The following PFKL variants were observed in gnomAD, a reference collection of about 807,000 sequenced individuals.
PFKL encodes the protein ATP-dependent 6-phosphofructokinase, liver type.
In PFKL, 74 loss-of-function variants were observed where a neutral mutation model predicts 92.1. The ratio of observed to expected loss-of-function variants is 0.80; its 90% CI spans 0.67 to 0.97. The LOEUF is 0.97. Among genes scored for constraint, PFKL ranks in the 50% least tolerant of loss-of-function variants. The probability of loss-of-function intolerance (pLI) is 0.00; values close to 1 mark genes in which losing one functional copy is unlikely to be tolerated. For missense variants in PFKL, 1,028 were observed against 1,116.6 expected (o/e 0.92, Z 1.13); for synonymous variants, 494 against 456.4 (o/e 1.08, Z -1.05).
chr21:44,324,497 G>A lies in PFKL; in HGVS notation c.1657G>A (p.Asp553Asn). ...ACCCCCCCTTGTCCCCCAGAGCTGT[G>A]ACCGCATCAAACAGTCTGCCTCGGG... ...TAVNAAMESC[D>N]RIKQSASGTK... The change falls in exon 17 of 22, where the codon GAC (aspartate) becomes AAC (asparagine). Residue 553 changes from aspartate (D) to asparagine (N), a missense_variant. By Grantham distance (23) the Asp-to-Asn change is conservative. Coordinates refer to ENST00000349048, the MANE Select transcript of PFKL (RefSeq NM_002626.6). The A allele has an allele frequency of 6.2e-7, 1 of 1,613,182 alleles. No homozygotes were observed. Among genetic ancestry groups the A allele is most frequent in the East Asian group, 2.2e-5 (1 of 44,848 alleles).
In PFKL at chr21:44,322,212, C is replaced by A; in HGVS notation, c.1409+9C>A. 1 of 1,597,654 alleles carries A rather than the reference C, an allele frequency of 6.3e-7. No homozygotes were observed. Among genetic ancestry groups the A allele is most frequent in the South Asian group, 1.1e-5 (1 of 90,592 alleles). ...ATGCTGGGGACCAAGAGGTGAGCTG[C>A]CTGCTGCGGGTACCTGGGGGCAGGA... On this transcript the variant is annotated intron_variant, in intron 14 of 21. Coordinates refer to ENST00000349048, the MANE Select transcript of PFKL (RefSeq NM_002626.6).
intron 1 of PFKL, chr21:44,304,344 C>A: frequency 7.8e-7 from 1 of 1,287,792 alleles, no homozygotes; most frequent in South Asian, 1.2e-5. Flanking sequence ...CCCAGTGGCA[C>A]ATTGACTCCG....
At position 44,316,254 on chromosome 21, in the gene PFKL, G is replaced by A. The variant is rs138385754; in HGVS notation, c.758G>A (p.Arg253His). The change falls in exon 8 of 22, where the codon CGT becomes CAT. Residue 253 changes from arginine (R) to histidine (H), a missense_variant. Physicochemically the swap from Arg to His is conservative, Grantham distance 29 (BLOSUM62 0). Coordinates refer to ENST00000349048, the MANE Select transcript of PFKL (RefSeq NM_002626.6). ...MCERLGETRS[R>H]GSRLNIIIIA... is the part of the protein sequence containing the mutation. ...GTGTCTTTGACCCAGACTCGGAGCC[G>A]TGGGTCCCGACTGAACATCATCATC... 23 of 1,612,904 alleles carry A rather than the reference G, an allele frequency of 1.4e-5. No homozygotes were observed. The highest frequency in any genetic ancestry group is 8.3e-5 in the Admixed American group (5 of 60,002).
intron 4 of PFKL, 118 bp downstream of exon 4, chr21:44,312,412 G>A (rs535417269): frequency 2.1e-6 from 2 of 960,422 alleles, no homozygotes; most frequent in Middle Eastern, 3.2e-4. Context: ...GGCAGAGGAG[G>A]GGCTGTCTGG....
At chr21:44,310,539 C>A (rs538827122) in intron 2 of PFKL, among the ~76,000 whole-genome samples, 1 of 152,192 alleles carries the variant, frequency 6.6e-6, no homozygotes, top group Non-Finnish European at 1.5e-5. Context: ...AGCAAGAGCA[C>A]GCGCCGCACA....
At chr21:44,311,182 G>A (rs1432843174) in intron 3 of PFKL, 99 bp downstream of exon 3, 23 of 858,846 alleles carry the variant, frequency 2.7e-5, no homozygotes, top group Non-Finnish European at 4.0e-5. Flanking sequence ...AGACAGACAC[G>A]TGCACAAACA....
intron 9 of PFKL, 23 bp downstream of exon 9, chr21:44,316,547 T>TG: frequency 6.5e-7 from 1 of 1,543,330 alleles, no homozygotes; most frequent in Middle Eastern, 2.2e-4. Flanking sequence ...CACCCTGCCC[T>TG]GCGTACGTGC....
chr21:44,309,163 T>C (rs567357323), intron 2 of PFKL, among the ~76,000 whole-genome samples: 25 of 152,158 alleles, frequency 1.6e-4, no homozygotes, highest in African/African-American at 5.3e-4. Context: ...GCATTTTGGG[T>C]TTCTGAGCCC....
chr21:44,319,380 C>T lies in PFKL; in HGVS notation c.1092C>T (p.Asp364=). 1 of 1,613,762 alleles carries T rather than the reference C, an allele frequency of 6.2e-7. No individual in the cohort carries two copies. ...AGGAAGTGCAGAAAGCCATGGATGA[C>T]AAGAGGTTTGACGAGGCCACCCAGC... The part of the protein sequence containing the change: ...MTKEVQKAMD[D]KRFDEATQLR... Residue 364 remains aspartate, a synonymous_variant, in exon 11 of 22, where the codon GAC becomes GAT. Coordinates refer to ENST00000349048, the MANE Select transcript of PFKL (RefSeq NM_002626.6).
At chr21:44,308,523 G>A (rs1275153861) in intron 2 of PFKL, among the ~76,000 whole-genome samples, 1 of 152,092 alleles carries the variant, frequency 6.6e-6, no homozygotes, top group Non-Finnish European at 1.5e-5. Flanking sequence ...CAGGGAAAGG[G>A]GCATGGGCAG....
In PFKL at chr21:44,318,869, T is replaced by G. The variant is rs743486; in HGVS notation, c.1062+274T>G. Among the ~76,000 whole-genome samples the G allele has an allele frequency of 3.4e-3, 514 of 152,206 alleles. 4 individuals are homozygous for G. The highest frequency in any genetic ancestry group is 0.012 in the African/African-American group (494 of 41,508). On this transcript the variant is annotated intron_variant, in intron 10 of 21. Transcript: ENST00000349048. ...CACAGGGGTCCACGGCCACTGAGCT[T>G]CTGTAGGCAGTGGTGGGAGTTGGGG...
At chr21:44,323,623 T>G in intron 15 of PFKL, 143 bp from the exon 16 acceptor site, 1 of 793,030 alleles carries the variant, frequency 1.3e-6, no homozygotes, top group Non-Finnish European at 2.0e-6. Context: ...CCCCAGGGGA[T>G]TGAGCAGGTG....
intron 1 of PFKL, chr21:44,304,152 T>C (rs1225748368): frequency 8.0e-7 from 1 of 1,248,916 alleles, no homozygotes; most frequent in East Asian, 6.0e-5. Context: ...AAGCTGGGTT[T>C]TGGCAGCTTC....
chr21:44,325,503 C>T (rs954515828), intron 19 of PFKL: 13 of 571,870 alleles, frequency 2.3e-5, no homozygotes, highest in Middle Eastern at 4.6e-4. Context: ...CATGCTGAGC[C>T]GAGCTCCCCA....
intron 1 of PFKL, 62 bp from the exon 2 acceptor site, chr21:44,306,619 G>GGGC (rs1292371641): frequency 3.1e-5 from 45 of 1,459,514 alleles, no homozygotes; most frequent in Admixed American, 1.1e-4. Flanking sequence ...TCTGAGATGG[G>GGGC]GAGGGTGTCC....
chr21:44,322,587 G>A (rs538486302), intron 14 of PFKL, among the ~76,000 whole-genome samples: 1 of 152,202 alleles, frequency 6.6e-6, no homozygotes, highest in Non-Finnish European at 1.5e-5. Flanking sequence ...CAGTCCCCCT[G>A]TGTGACTACA....
At chr21:44,307,523 C>T (rs1049760998) in intron 2 of PFKL, among the ~76,000 whole-genome samples, 1 of 152,078 alleles carries the variant, frequency 6.6e-6, no homozygotes, top group South Asian at 2.1e-4. Flanking sequence ...ATGTAGCAAC[C>T]CCAGCTCTGC....
chr21:44,321,564 A>G (rs1383576282), intron 12 of PFKL, 165 bp from the exon 13 acceptor site: 4 of 586,596 alleles, frequency 6.8e-6, no homozygotes, highest in Middle Eastern at 4.6e-4. Flanking sequence ...GAATTAGAAC[A>G]GATACCGTAT....
At chr21:44,311,616 T>A (rs1414615361) in intron 3 of PFKL, among the ~76,000 whole-genome samples, 1 of 144,382 alleles carries the variant, frequency 6.9e-6, no homozygotes, top group Non-Finnish European at 1.5e-5. Context: ...GGTCGCAGGG[T>A]CATGGGGTTG....
Sources: allele counts gnomAD v4.1 joint callset (sites outside exome capture counted in the v4.1 genomes callset), GRCh38; gene constraint gnomAD v4.1.1; transcripts MANE v1.5; gene names NCBI Gene and HGNC (gene_info 2026-07-23, HGNC 2026-07-21).